The following AKR1B10 variants were observed in gnomAD, a reference collection of about 807,000 sequenced individuals.
AKR1B10 encodes aldo-keto reductase family 1 member B10, also known as ARP.
In AKR1B10, 39 loss-of-function variants were observed where a neutral mutation model predicts 38.9. The observed-to-expected ratio is 1.00, with a 90% CI of 0.78 to 1.31. The LOEUF is 1.31. AKR1B10 is among the 50% of genes most tolerant of loss of function. AKR1B10 has a pLI of 0.00. For missense variants in AKR1B10, 361 were observed against 382.6 expected, an observed-to-expected ratio of 0.94 and a Z score of 0.47; for synonymous variants, 148 against 141.2, an observed-to-expected ratio of 1.05 and a Z score of -0.34.
chr7:134,539,150 T>G (rs1459070723), intron 9 of AKR1B10, 133 bp downstream of exon 9: 9 of 1,039,360 alleles, frequency 8.7e-6, no homozygotes, highest in Non-Finnish European at 1.3e-5. Flanking sequence ...TTTTGAAAGT[T>G]AAAATTGGGG....
Position 134,538,968 on chromosome 7 carries a change from G to A in AKR1B10, c.859G>A (p.Ala287Thr), listed in dbSNP as rs762917699. Residue 287 changes from alanine to threonine, a missense_variant, in exon 9 of 10, where the codon GCA (alanine) becomes ACA (threonine). Ala to Thr is a moderately conservative substitution (Grantham distance 58). Coordinates refer to ENST00000359579, the MANE Select transcript of AKR1B10 (RefSeq NM_020299.5). ...CTTTAAATTGAGTGATGAGGAGATGGCAACCATACTCAGCTTCAACAGAAA... is the reference window on the plus strand; with the variant it reads ...CTTTAAATTGAGTGATGAGGAGATGACAACCATACTCAGCTTCAACAGAAA... ...FDFKLSDEEM[A>T]TILSFNRNWR... The A allele has an allele frequency of 6.2e-7, 1 of 1,614,022 alleles. No individual in the cohort carries two copies. Among genetic ancestry groups the A allele is most frequent in the South Asian group, 1.1e-5 (1 of 91,072 alleles).
chr7:134,532,441 A>G (rs1296085701), intron 3 of AKR1B10, among the ~76,000 whole-genome samples: 1 of 152,100 alleles, frequency 6.6e-6, no homozygotes, highest in Non-Finnish European at 1.5e-5. Context: ...TCTTGGAGAA[A>G]AGCCCAAGTA....
At chr7:134,537,229 G>T (rs1037302109) in intron 6 of AKR1B10, 72 bp downstream of exon 6, 1 of 1,533,934 alleles carries the variant, frequency 6.5e-7, no homozygotes, top group Non-Finnish European at 8.8e-7. Flanking sequence ...GTAAATGTTG[G>T]TATGGGTCCA....
At chr7:134,532,522 T>C (rs992802547) in intron 3 of AKR1B10, among the ~76,000 whole-genome samples, 1 of 152,124 alleles carries the variant, frequency 6.6e-6, no homozygotes, top group African/African-American at 2.4e-5. Context: ...TACCTGCTCC[T>C]GAGGGGTGGG....
intron 8 of AKR1B10, 53 bp downstream of exon 8, chr7:134,538,330 C>G: frequency 6.6e-7 from 1 of 1,514,850 alleles, no homozygotes; most frequent in Non-Finnish European, 9.2e-7. Context: ...GGGGGACAGG[C>G]AGACCTTCTC....
rs1351257120 is a variant in AKR1B10 at position 134,530,635 on chromosome 7, C to G, written c.67-8C>G. 4 of 1,613,644 alleles carry G rather than the reference C, an allele frequency of 2.5e-6. No homozygotes were observed. The highest frequency in any genetic ancestry group is 3.4e-6 in the Non-Finnish European group (4 of 1,179,808). ...ACATATGTGATGAGCTTTTCTTTTGCCTTTCAGTCTCCTCTTGGCAAAGTG... is the reference window on the plus strand; with the variant it reads ...ACATATGTGATGAGCTTTTCTTTTGGCTTTCAGTCTCCTCTTGGCAAAGTG... On this transcript the variant is annotated splice_polypyrimidine_tract_variant and splice_region_variant and intron_variant, in intron 1 of 9. Coordinates refer to ENST00000359579, the MANE Select transcript of AKR1B10 (RefSeq NM_020299.5).
At chr7:134,532,152 G>T (rs1266339251) in intron 3 of AKR1B10, 128 bp downstream of exon 3, 5 of 1,173,572 alleles carry the variant, frequency 4.3e-6, no homozygotes, top group Non-Finnish European at 6.2e-6. Context: ...GGAATGGCAG[G>T]TGGTCAGGAA....
Position 134,539,016 on chromosome 7 carries a change from C to T in AKR1B10, c.907C>T (p.Gln303Ter). 1 of 1,613,772 alleles carries T rather than the reference C, an allele frequency of 6.2e-7. No homozygotes were observed. The highest frequency in any genetic ancestry group is 8.5e-7 in the Non-Finnish European group (1 of 1,179,688). Residue 303 changes from glutamine (Q) to a stop codon, truncating the protein, a stop_gained and splice_region_variant, in exon 9 of 10, where the codon CAA becomes TAA. Transcript: ENST00000359579. LOFTEE classifies it low-confidence loss of function (END_TRUNC). Reference sequence around the variant, plus strand: ...AAACTGGAGGGCCTGTAACGTGTTGCAGTAAGTGGCATGGAGTTAACTAGA... The same window carrying T: ...AAACTGGAGGGCCTGTAACGTGTTGTAGTAAGTGGCATGGAGTTAACTAGA... The part of the protein sequence containing the change: ...NRNWRACNVL[Q>*]SSHLEDYPFN...
intron 9 of AKR1B10, among the ~76,000 whole-genome samples, chr7:134,539,395 G>C (rs1252328342): frequency 6.6e-6 from 1 of 152,128 alleles, no homozygotes; most frequent in Non-Finnish European, 1.5e-5. Flanking sequence ...GGGAGGGAGG[G>C]AAGAAGAGAC....
chr7:134,534,591 T>C (rs780950114), intron 4 of AKR1B10, among the ~76,000 whole-genome samples: 3 of 152,182 alleles, frequency 2.0e-5, no homozygotes, highest in Non-Finnish European at 4.4e-5. Context: ...GTGATCAAGA[T>C]CAGAGGCTCT....
chr7:134,527,721 C>CGTATCAT lies in AKR1B10; in HGVS notation c.-191_-190insGTATCAT. On this transcript the variant is annotated 5_prime_UTR_variant, in exon 1 of 10. Transcript: ENST00000359579. Reference sequence around the variant, plus strand: ...ATTAGCTGGGAGTCACGGTGGGCGCCTGTAATCCCAGCTACTCGGGAGGCT... The same window carrying CGTATCAT: ...ATTAGCTGGGAGTCACGGTGGGCGCCGTATCATTGTAATCCCAGCTACTCGGGAGGCT... 7.4e-6 allele frequency: 4 copies of CGTATCAT among 541,274 alleles called. No homozygotes were observed. The highest frequency in any genetic ancestry group is 3.2e-5 in the Admixed American group (1 of 31,056). The allele number at this position is 541,274 out of a possible 1,614,324, so 33.5% of individuals were successfully genotyped here.
Position 134,539,107 on chromosome 7 carries a change from C to A in AKR1B10, c.908+90C>A, listed in dbSNP as rs12667542. 201 of 1,488,406 alleles carry A rather than the reference C, an allele frequency of 1.4e-4. 1 individual carries two copies. In the South Asian group the frequency reaches 2.0e-3, roughly 15 times the overall value. The allele number at this position is 1,488,406 out of a possible 1,614,324, so 92.2% of individuals were successfully genotyped here. On this transcript the variant is annotated intron_variant, in intron 9 of 9. Coordinates refer to ENST00000359579, the MANE Select transcript of AKR1B10 (RefSeq NM_020299.5). ...TGGAAGGATTGGAAGGCTGCTGGGACTACTTGTGTCTTCAAATACTATTTT... is the reference window on the plus strand; with the variant it reads ...TGGAAGGATTGGAAGGCTGCTGGGAATACTTGTGTCTTCAAATACTATTTT...
At chr7:134,538,341 A>T in intron 8 of AKR1B10, 64 bp downstream of exon 8, 1 of 1,469,894 alleles carries the variant, frequency 6.8e-7, no homozygotes, top group Non-Finnish European at 9.5e-7. Context: ...AGACCTTCTC[A>T]CTAGGCTTCT....
At chr7:134,538,083 A>T (rs1808059139) in intron 7 of AKR1B10, 111 bp from the exon 8 acceptor site, 2 of 1,002,838 alleles carry the variant, frequency 2.0e-6, no homozygotes, top group African/African-American at 3.2e-5. Context: ...AGTAATTATT[A>T]GCGATTGTAC....
intron 1 of AKR1B10, among the ~76,000 whole-genome samples, chr7:134,530,283 G>A (rs1807812858): frequency 6.6e-6 from 1 of 152,152 alleles, no homozygotes; most frequent in African/African-American, 2.4e-5. Flanking sequence ...GGACTAACCT[G>A]GATGAAAAGG....
At chr7:134,538,396 C>G in intron 8 of AKR1B10, 119 bp downstream of exon 8, 1 of 1,020,968 alleles carries the variant, frequency 9.8e-7, no homozygotes, top group Non-Finnish European at 1.5e-6. Context: ...TTCCCACCAC[C>G]CTATCATTTT....
At chr7:134,540,488 C>T (rs1808123583) in intron 9 of AKR1B10, among the ~76,000 whole-genome samples, 1 of 152,166 alleles carries the variant, frequency 6.6e-6, no homozygotes, top group African/African-American at 2.4e-5. Context: ...GTGGGCTCTG[C>T]AGTAAATCCA....
intron 1 of AKR1B10, among the ~76,000 whole-genome samples, chr7:134,529,949 C>A (rs915499322): frequency 3.9e-5 from 6 of 152,010 alleles, no homozygotes; most frequent in South Asian, 2.1e-4. Flanking sequence ...CTCTACTGAA[C>A]CTTACTGTGT....
intron 9 of AKR1B10, among the ~76,000 whole-genome samples, chr7:134,540,194 G>A (rs1410166095): frequency 6.6e-6 from 1 of 152,026 alleles, no homozygotes; most frequent in East Asian, 1.9e-4. Context: ...CTCCATCCTG[G>A]GTGACAGCGC....
Sources: allele counts gnomAD v4.1 joint callset (sites outside exome capture counted in the v4.1 genomes callset), GRCh38; gene constraint gnomAD v4.1.1; transcripts MANE v1.5; gene names NCBI Gene and HGNC (gene_info 2026-07-23, HGNC 2026-07-21).